The following ATP6V1H variants were observed in gnomAD, a reference collection of about 807,000 sequenced individuals.
ATP6V1H encodes V-type proton ATPase subunit H.
ATP6V1H carries 39 observed loss-of-function variants against 71.7 expected under a neutral mutation model. That is an observed-to-expected ratio of 0.54 (90% CI 0.42 to 0.71). ATP6V1H has a LOEUF of 0.71. Among genes scored for constraint, ATP6V1H ranks in the 30% least tolerant of loss-of-function variants. ATP6V1H has a pLI of 0.00. For synonymous variants in ATP6V1H, 192 were observed against 199.3 expected (o/e 0.96, Z 0.31); for missense variants, 509 against 594.9 (o/e 0.86, Z 1.50).
At position 53,752,412 on chromosome 8, in the gene ATP6V1H, G is replaced by A. The variant is rs562922084; in HGVS notation, c.1277+4143C>T. The stretch of plus-strand genomic sequence containing the variant: ...TGAGCTGGGCTTCTGTGAGAAATCC[G>A]CATATAACCTGAATATCCCAAACTC... On this transcript the variant is annotated intron_variant, in intron 12 of 13. Coordinates refer to ENST00000359530, the MANE Select transcript of ATP6V1H (RefSeq NM_015941.4). Among the ~76,000 whole-genome samples, 334 of 152,290 alleles carry A rather than the reference G, an allele frequency of 2.2e-3. 2 individuals carry two copies. Among genetic ancestry groups the A allele is most frequent in the African/African-American group, 7.8e-3 (323 of 41,552 alleles).
At chr8:53,765,454 AACACACACACACAC>A (rs59822523) in intron 11 of ATP6V1H, among the ~76,000 whole-genome samples, 852 of 74,116 alleles carry the variant, frequency 0.011, 15 homozygotes, top group Middle Eastern at 0.035. Context: ...CAACAACAAC[AACACACACACACAC>A]ACACACACAC....
Position 53,799,950 on chromosome 8 carries a change from A to G in ATP6V1H, c.677+1849T>C, listed in dbSNP as rs1037133544. Among the ~76,000 whole-genome samples, 4 of 152,190 alleles carry G rather than the reference A, an allele frequency of 2.6e-5. No individual in the cohort carries two copies. In the East Asian group the frequency reaches 7.7e-4, roughly 29 times the overall value. ...TGAGAAGTAAGTTTCCATTGTTTATAAGCCACCCAGTATTTTGTTAAAGCA... is the reference window on the plus strand; with the variant it reads ...TGAGAAGTAAGTTTCCATTGTTTATGAGCCACCCAGTATTTTGTTAAAGCA... On this transcript the variant is annotated intron_variant, in intron 8 of 13. Transcript: ENST00000359530.
intron 8 of ATP6V1H, 78 bp downstream of exon 8, chr8:53,801,721 T>C: frequency 8.7e-7 from 1 of 1,147,274 alleles, no homozygotes; most frequent in Non-Finnish European, 1.3e-6. Flanking sequence ...TTCTTTTAGA[T>C]GATTACATAT....
chr8:53,726,601 C>A (rs1171359546), intron 13 of ATP6V1H, among the ~76,000 whole-genome samples: 1 of 152,118 alleles, frequency 6.6e-6, no homozygotes, highest in East Asian at 1.9e-4. Flanking sequence ...TGCATTCTAT[C>A]ACCGCCAAGT....
intron 9 of ATP6V1H, among the ~76,000 whole-genome samples, chr8:53,781,047 T>C (rs988114846): frequency 2.4e-4 from 37 of 152,208 alleles, no homozygotes; most frequent in African/African-American, 8.7e-4. Flanking sequence ...ATCCTTTGGG[T>C]ATATACCCAG....
chr8:53,778,955 TAAAG>T, intron 9 of ATP6V1H, among the ~76,000 whole-genome samples: 1 of 152,176 alleles, frequency 6.6e-6, no homozygotes, highest in African/African-American at 2.4e-5. Context: ...TTACCAGTGA[TAAAG>T]AAGGATATTT....
At chr8:53,779,601 T>G (rs1032552938) in intron 9 of ATP6V1H, among the ~76,000 whole-genome samples, 1 of 151,744 alleles carries the variant, frequency 6.6e-6, no homozygotes, top group Admixed American at 6.6e-5. Context: ...TCAGAACACC[T>G]GTTATTTCTT....
intron 13 of ATP6V1H, among the ~76,000 whole-genome samples, chr8:53,727,510 T>C (rs1167734758): frequency 6.6e-6 from 1 of 152,174 alleles, no homozygotes; most frequent in African/African-American, 2.4e-5. Context: ...GTTCTCAGCC[T>C]TTCTTGGATC....
rs1162389586 is a variant in ATP6V1H at position 53,795,714 on chromosome 8, A to G, written c.803T>C (p.Val268Ala). 5.0e-6 allele frequency: 8 copies of G among 1,613,916 alleles called. No individual in the cohort carries two copies. Among genetic ancestry groups the G allele is most frequent in the Non-Finnish European group, 5.9e-6 (7 of 1,179,952 alleles). Residue 268 changes from valine to alanine, a missense_variant, in exon 9 of 14, where the codon GTT becomes GCT. This residue lies in a region of ATP6V1H where 212 missense variants were observed against 291.6 expected (regional missense o/e 0.73). Coordinates refer to ENST00000359530, the MANE Select transcript of ATP6V1H (RefSeq NM_015941.4). ...AGACTCCTGAAGGATATCAGACAGA[A>G]CTGGAATGATATTATAGCGCCGCAG... is the stretch of plus-strand genomic sequence containing the variant. ...EHLRRYNIIP[V>A]LSDILQESVK...
intron 9 of ATP6V1H, among the ~76,000 whole-genome samples, chr8:53,794,580 G>A (rs1005122611): frequency 1.3e-5 from 2 of 152,104 alleles, no homozygotes; most frequent in African/African-American, 4.8e-5. Context: ...TGGCCAGGAT[G>A]GTCTCGATCT....
chr8:53,774,559 C>A (rs1015345650), intron 9 of ATP6V1H, among the ~76,000 whole-genome samples: 1 of 152,110 alleles, frequency 6.6e-6, no homozygotes, highest in African/African-American at 2.4e-5. Flanking sequence ...AAAATATATT[C>A]CAGAGACTCC....
intron 3 of ATP6V1H, among the ~76,000 whole-genome samples, chr8:53,830,364 C>T (rs1339211106): frequency 6.6e-6 from 1 of 152,026 alleles, no homozygotes; most frequent in Non-Finnish European, 1.5e-5. Flanking sequence ...TGATAAAAAC[C>T]ATGCTATAAA....
intron 12 of ATP6V1H, among the ~76,000 whole-genome samples, chr8:53,750,813 A>G (rs954142728): frequency 6.6e-6 from 1 of 152,176 alleles, no homozygotes; most frequent in African/African-American, 2.4e-5. Flanking sequence ...AAATCCCATG[A>G]TAACAAAAAG....
Position 53,772,068 on chromosome 8 carries a change from G to C in ATP6V1H, c.970C>G (p.Gln324Glu). The C allele has an allele frequency of 2.5e-6, 4 of 1,614,032 alleles. No individual in the cohort carries two copies. Among genetic ancestry groups the C allele is most frequent in the Non-Finnish European group, 3.4e-6 (4 of 1,179,966 alleles). ...CTGATATCTTCATCATCGTACTTCTGCTGTTCCAAGTTCTCCAACTGTTTC... is the reference window on the plus strand; with the variant it reads ...CTGATATCTTCATCATCGTACTTCTCCTGTTCCAAGTTCTCCAACTGTTTC... ...VLKQLENLEQ[Q>E]KYDDEDISED... Residue 324 changes from glutamine (Q) to glutamate (E), a missense_variant, in exon 10 of 14, where the codon CAG (glutamine) becomes GAG (glutamate). By Grantham distance (29) the Gln-to-Glu change is conservative. Transcript: ENST00000359530.
chr8:53,758,897 A>C (rs1414412566), intron 11 of ATP6V1H, among the ~76,000 whole-genome samples: 1 of 152,264 alleles, frequency 6.6e-6, no homozygotes, highest in Non-Finnish European at 1.5e-5. Context: ...AATGGTTCAA[A>C]AAGTCTAAAA....
At chr8:53,834,334 G>A (rs1443475221) in intron 2 of ATP6V1H, among the ~76,000 whole-genome samples, 1 of 152,216 alleles carries the variant, frequency 6.6e-6, no homozygotes, top group Non-Finnish European at 1.5e-5. Context: ...AGCACTCGCT[G>A]TATATTAGAA....
chr8:53,809,888 G>T lies in ATP6V1H; in HGVS notation c.579+1276C>A, dbSNP rs538601209. Among the ~76,000 whole-genome samples, 9 of 152,210 alleles carry T rather than the reference G, an allele frequency of 5.9e-5. No individual in the cohort carries two copies. The South Asian group carries it at 1.9e-3, about 32-fold the overall frequency. On this transcript the variant is annotated intron_variant, in intron 7 of 13. Transcript: ENST00000359530. ...CTCAGCCCACCATGGCCCCAGGATC[G>T]CGTATCTAGTTCTATACCTTGTTCT... is the stretch of plus-strand genomic sequence containing the variant.
intron 7 of ATP6V1H, among the ~76,000 whole-genome samples, chr8:53,808,947 G>C (rs1421097355): frequency 6.6e-6 from 1 of 152,034 alleles, no homozygotes; most frequent in Non-Finnish European, 1.5e-5. Flanking sequence ...ACATCAAGTG[G>C]CAATAATTTG....
At chr8:53,717,182 G>A (rs969954681) in intron 13 of ATP6V1H, among the ~76,000 whole-genome samples, 1 of 152,242 alleles carries the variant, frequency 6.6e-6, no homozygotes, top group Non-Finnish European at 1.5e-5. Flanking sequence ...TGGTCCAGAA[G>A]AGGGCAAGCA....
Sources: gnomAD v4.1 joint callset for allele counts (sites outside exome capture counted in the v4.1 genomes callset) on GRCh38, gnomAD v4.1.1 for gene constraint, gnomAD v4.1.1 regional missense constraint, MANE v1.5 for transcripts, NCBI Gene and HGNC (gene_info 2026-07-23, HGNC 2026-07-21) for gene names.